Variants in BRPF3 observed in about 807,000 individuals in gnomAD.
The protein encoded by BRPF3 is bromodomain and PHD finger-containing protein 3.
A neutral mutation model predicts 102.0 loss-of-function variants in BRPF3; 18 were observed. The ratio of observed to expected loss-of-function variants is 0.18; its 90% confidence interval spans 0.12 to 0.26. BRPF3 has a LOEUF of 0.26. BRPF3 is among the 10% of genes least tolerant of loss of function. The pLI is 1.00. For synonymous variants in BRPF3, 570 were observed against 614.2 expected (o/e 0.93, Z 1.06); for missense variants, 1,147 against 1,567.8 (o/e 0.73, Z 4.53).
At chr6:36,223,297 A>G (rs901904301) in intron 10 of BRPF3, among the ~76,000 whole-genome samples, 5 of 152,310 alleles carry the variant, frequency 3.3e-5, no homozygotes, top group African/African-American at 1.2e-4. Flanking sequence ...TGATGAATGC[A>G]TGCCTGTGTG....
rs951825561 is a variant in BRPF3, at chr6:36,217,821, C to A, written c.2990-96C>A. 5 of 915,554 alleles carry A rather than the reference C, an allele frequency of 5.5e-6. No individual in the cohort carries two copies. In the African/African-American group the frequency reaches 6.8e-5, roughly 12 times the overall value. 56.7% of individuals were successfully genotyped at this position (915,554 alleles called of 1,614,324 possible). ...GAAAGGAATAGCCATCCTCTCCACTCGTCACTGAGCCCTCCTGAGGTGGCT... is the reference window on the plus strand; with the variant it reads ...GAAAGGAATAGCCATCCTCTCCACTAGTCACTGAGCCCTCCTGAGGTGGCT... On this transcript the variant is annotated intron_variant, in intron 8 of 12. Transcript: ENST00000357641.
intron 8 of BRPF3, among the ~76,000 whole-genome samples, chr6:36,216,565 G>C (rs1171197334): frequency 6.6e-6 from 1 of 152,214 alleles, no homozygotes; most frequent in Non-Finnish European, 1.5e-5. Context: ...AATGTTAGAG[G>C]CAGAGCCAGG....
chr6:36,207,590 C>A, intron 4 of BRPF3, 146 bp downstream of exon 4: 1 of 1,164,820 alleles, frequency 8.6e-7, no homozygotes, highest in Non-Finnish European at 1.2e-6. Flanking sequence ...CCAAGATCTG[C>A]CTACTTTGTA....
intron 1 of BRPF3, among the ~76,000 whole-genome samples, chr6:36,198,955 AGATACT>A (rs1767600561): frequency 6.6e-6 from 1 of 152,248 alleles, no homozygotes; most frequent in Admixed American, 6.5e-5. Context: ...AGTTTACCTC[AGATACT>A]GCCCAGATCA....
In BRPF3 at chr6:36,210,858, GGT is replaced by G. The variant is rs1306355953; in HGVS notation, c.2179+337_2179+338del. Among the ~76,000 whole-genome samples, 1 of 152,172 alleles carries G rather than the reference GGT, an allele frequency of 6.6e-6. No individual in the cohort carries two copies. The highest frequency in any genetic ancestry group is 2.4e-5 in the African/African-American group (1 of 41,448). ...CATGGGACAGGGAGAGTGCATTGCTGGTGTGTGTTTGGCTCATTCAGAAGATT... is the reference window on the plus strand; with the variant it reads ...CATGGGACAGGGAGAGTGCATTGCTGGTGTGTTTGGCTCATTCAGAAGATT... On this transcript the variant is annotated intron_variant, in intron 6 of 12. Transcript: ENST00000357641. This position sits in a 1 kb window ranked among gnomAD's most constrained non-coding sequence, Gnocchi z 4.7.
At chr6:36,202,450 G>A (rs899780598) in intron 2 of BRPF3, among the ~76,000 whole-genome samples, 1 of 136,984 alleles carries the variant, frequency 7.3e-6, no homozygotes, top group Non-Finnish European at 1.5e-5. Context: ...TCTGTAGAGA[G>A]CCCATGGTAC....
chr6:36,229,971 G>A (rs1768879598), intron 12 of BRPF3, among the ~76,000 whole-genome samples: 2 of 152,304 alleles, frequency 1.3e-5, no homozygotes, highest in South Asian at 4.1e-4. Flanking sequence ...CACCCGGGGA[G>A]CTTTAAAAAC....
At position 36,207,242 on chromosome 6, in the gene BRPF3, G is replaced by T. The variant is rs368636070; in HGVS notation, c.1606-71G>T. On this transcript the variant is annotated intron_variant, in intron 3 of 12. Coordinates refer to ENST00000357641, the MANE Select transcript of BRPF3 (RefSeq NM_015695.3). The stretch of plus-strand genomic sequence containing the variant: ...CAAGACTTTTACCTGCTGCAGCCCC[G>T]TGAGGCTTGAACAGGGAGAGGACTT... The T allele has an allele frequency of 2.5e-6, 4 of 1,570,198 alleles. 1 individual carries two copies. Among genetic ancestry groups the T allele is most frequent in the South Asian group, 2.3e-5 (2 of 85,886 alleles).
chr6:36,214,916 G>A (rs748804429), intron 8 of BRPF3, among the ~76,000 whole-genome samples: 6 of 152,070 alleles, frequency 3.9e-5, no homozygotes, highest in Non-Finnish European at 8.8e-5. Flanking sequence ...GGAGTTGAAG[G>A]CATGAGCTAT....
rs370248845 is a variant in BRPF3 at position 36,207,297 on chromosome 6, C to G, written c.1606-16C>G. On this transcript the variant is annotated splice_polypyrimidine_tract_variant and intron_variant, in intron 3 of 12. Transcript: ENST00000357641. ...AAGAAGGAGGTTCCTAGTCCCTCTT[C>G]TCTTCCCTCCTGTAGCGAGAGCAGG... The G allele has an allele frequency of 6.2e-7, 1 of 1,610,090 alleles. No homozygotes were observed. Among genetic ancestry groups the G allele is most frequent in the African/African-American group, 1.3e-5 (1 of 74,924 alleles).
chr6:36,224,290 T>C (rs1768654834), intron 10 of BRPF3, among the ~76,000 whole-genome samples: 1 of 152,236 alleles, frequency 6.6e-6, no homozygotes, highest in Non-Finnish European at 1.5e-5. Flanking sequence ...TGGACTTTTT[T>C]CCTTGGTTGA....
rs767416327 is a variant in BRPF3 at position 36,214,341 on chromosome 6, AGTG to A, written c.2945_2947del (p.Ser982_Glu983delinsLys). The A allele has an allele frequency of 8.1e-6, 13 of 1,610,854 alleles. No individual in the cohort carries two copies. Among genetic ancestry groups the A allele is most frequent in the Non-Finnish European group, 1.1e-5 (13 of 1,178,840 alleles). On this transcript the variant is annotated inframe_deletion, in exon 8 of 13. Transcript: ENST00000357641. ...GAAGCGGCCAAGGAGCAGGAGCTGTAGTGAGAGCGAAGGGGAGAGGTCCCCCCA... is the reference window on the plus strand; with the variant it reads ...GAAGCGGCCAAGGAGCAGGAGCTGTAAGAGCGAAGGGGAGAGGTCCCCCCA...
In BRPF3 at chr6:36,230,789, G is replaced by A. The variant is rs567516033; in HGVS notation, c.*180G>A. On this transcript the variant is annotated 3_prime_UTR_variant, in exon 13 of 13. Coordinates refer to ENST00000357641, the MANE Select transcript of BRPF3 (RefSeq NM_015695.3). This position sits in a 1 kb window ranked among gnomAD's most constrained non-coding sequence, Gnocchi z 5.4. The stretch of plus-strand genomic sequence containing the variant: ...TTTGACCAATCGCATGGTTCTCCTG[G>A]CAGGCCTGCTGTGTGCCAAAAACTC... The A allele has an allele frequency of 3.9e-6, 3 of 771,058 alleles. No individual in the cohort carries two copies. The highest frequency in any genetic ancestry group is 3.8e-5 in the South Asian group (2 of 52,180). The allele number at this position is 771,058 out of a possible 1,614,324, so 47.8% of individuals were successfully genotyped here. A position where few individuals can be genotyped will look rare whatever the true frequency, so the allele number is the denominator to read the frequency against.
At chr6:36,220,305 C>T (rs376067013) in intron 9 of BRPF3, among the ~76,000 whole-genome samples, 2 of 152,344 alleles carry the variant, frequency 1.3e-5, no homozygotes, top group East Asian at 3.9e-4. Flanking sequence ...TTAAAATTTA[C>T]TATCCTTCGT....
chr6:36,211,649 G>A, intron 7 of BRPF3, 89 bp downstream of exon 7: 2 of 1,453,776 alleles, frequency 1.4e-6, no homozygotes, highest in Non-Finnish European at 1.8e-6. Context: ...TATTCTTTCT[G>A]AGTTTAGATC....
intron 4 of BRPF3, 150 bp from the exon 5 acceptor site, chr6:36,209,637 G>T (rs1051573291): frequency 2.3e-6 from 2 of 876,284 alleles, no homozygotes; most frequent in South Asian, 4.1e-5. Flanking sequence ...TAGGCTAAAG[G>T]TTGGGTGATA....
intron 1 of BRPF3, chr6:36,197,763 C>T (rs1412458811): frequency 2.0e-5 from 3 of 152,228 alleles, no homozygotes; most frequent in Non-Finnish European, 4.4e-5. Context: ...CTGTAAGCTC[C>T]TTGTGGGCGA....
At chr6:36,197,617 T>TG (rs1324290671) in intron 1 of BRPF3, 1 of 28,160 alleles carries the variant, frequency 3.6e-5, no homozygotes, top group Non-Finnish European at 7.0e-5. Context: ...GGGACCTGGA[T>TG]GGGGTGGGTG....
intron 9 of BRPF3, 126 bp downstream of exon 9, chr6:36,218,136 G>A (rs1044463927): frequency 1.2e-5 from 9 of 766,464 alleles, no homozygotes; most frequent in Non-Finnish European, 1.7e-5. Context: ...GCTATTTCCT[G>A]AGGCCTCTTA....
Sources: gnomAD v4.1 joint callset for allele counts (sites outside exome capture counted in the v4.1 genomes callset) on GRCh38, gnomAD v4.1.1 for gene constraint, Gnocchi (gnomAD v3.1) non-coding constraint, MANE v1.5 for transcripts, NCBI Gene and HGNC (gene_info 2026-07-23, HGNC 2026-07-21) for gene names.